GRM1: variants seen among roughly 807,000 people sequenced by gnomAD.
GRM1 encodes the protein glutamate metabotropic receptor 1.
A neutral mutation model predicts 90.9 loss-of-function variants in GRM1; 33 were observed. That is an observed-to-expected ratio of 0.36 (90% CI 0.28 to 0.49). The LOEUF is 0.49. Among genes scored for constraint, GRM1 ranks in the 20% least tolerant of loss-of-function variants. The probability of loss-of-function intolerance (pLI) is 0.99; values close to 1 mark genes in which losing one functional copy is unlikely to be tolerated. For missense variants in GRM1, 1,190 were observed against 1,534.3 expected (o/e 0.78, Z 3.75); for synonymous variants, 700 against 613.2 (o/e 1.14, Z -2.09).
At chr6:146,312,172 T>C (rs970092816) in intron 3 of GRM1, among the ~76,000 whole-genome samples, 1 of 151,406 alleles carries the variant, frequency 6.6e-6, no homozygotes, top group Non-Finnish European at 1.5e-5. Context: ...AAACCCCATC[T>C]CTACTAAAAA....
intron 1 of GRM1, among the ~76,000 whole-genome samples, chr6:146,143,669 A>G (rs2128884970): frequency 6.6e-6 from 1 of 152,350 alleles, no homozygotes; most frequent in East Asian, 1.9e-4. Flanking sequence ...CTCCTCCCCT[A>G]CAGTAATACA....
intron 7 of GRM1, among the ~76,000 whole-genome samples, chr6:146,401,247 C>T (rs951020472): frequency 1.2e-4 from 19 of 152,138 alleles, no homozygotes; most frequent in African/African-American, 3.4e-4. Context: ...CAATAATGTA[C>T]GCTTACTTCT....
At chr6:146,108,176 T>C (rs1424482139) in intron 1 of GRM1, among the ~76,000 whole-genome samples, 1 of 152,168 alleles carries the variant, frequency 6.6e-6, no homozygotes, top group African/African-American at 2.4e-5. Flanking sequence ...TAAATAGATA[T>C]GTTCACGCTG....
At chr6:146,414,299 G>A (rs922162497) in intron 7 of GRM1, among the ~76,000 whole-genome samples, 9 of 151,626 alleles carry the variant, frequency 5.9e-5, no homozygotes, top group Non-Finnish European at 1.2e-4. Flanking sequence ...CTTTTTATGT[G>A]TTTATTGGCC....
chr6:146,290,936 A>C (rs1251272890), intron 2 of GRM1, among the ~76,000 whole-genome samples: 1 of 152,070 alleles, frequency 6.6e-6, no homozygotes, highest in African/African-American at 2.4e-5. Flanking sequence ...GATTGATACA[A>C]ATCTTTATGC....
intron 3 of GRM1, among the ~76,000 whole-genome samples, chr6:146,318,976 T>C (rs542646678): frequency 1.4e-3 from 216 of 152,346 alleles, no homozygotes; most frequent in Non-Finnish European, 2.6e-3. Flanking sequence ...AATAGTTTCT[T>C]TTGTGTGCAG....
At chr6:146,050,600 A>G (rs1033723689) in intron 1 of GRM1, among the ~76,000 whole-genome samples, 1 of 152,068 alleles carries the variant, frequency 6.6e-6, no homozygotes, top group African/African-American at 2.4e-5. Flanking sequence ...GAAAAGCTAT[A>G]TCTTCTCTTT....
chr6:146,399,758 T>TCG lies in GRM1; in HGVS notation c.2660+60_2660+61insGC. 1 of 1,087,828 alleles carries TCG rather than the reference T, an allele frequency of 9.2e-7. No individual in the cohort carries two copies. The highest frequency in any genetic ancestry group is 1.4e-6 in the Non-Finnish European group (1 of 739,002). 67.4% of individuals were successfully genotyped at this position (1,087,828 alleles called of 1,614,324 possible). ...CTTCCTTTCTCTGTCTCTTTCTCTC[T>TCG]CTCTCTCTCTCTCTCTTTCTCTGTC... On this transcript the variant is annotated intron_variant, in intron 7 of 7. Transcript: ENST00000282753. This position sits in a 1 kb window ranked among gnomAD's most constrained non-coding sequence, Gnocchi z 5.4.
At chr6:146,294,041 T>G (rs1314779911) in intron 2 of GRM1, among the ~76,000 whole-genome samples, 1 of 151,724 alleles carries the variant, frequency 6.6e-6, no homozygotes, top group Non-Finnish European at 1.5e-5. Flanking sequence ...ATTTCATTAA[T>G]GTTTTCTAAG....
chr6:146,117,081 TTATTC>T (rs1159313600), intron 1 of GRM1, among the ~76,000 whole-genome samples: 18 of 151,568 alleles, frequency 1.2e-4, no homozygotes, highest in Non-Finnish European at 1.6e-4. Flanking sequence ...AATATGTTTT[TTATTC>T]TATTCTATGA....
chr6:146,306,578 T>C (rs1783587494), intron 3 of GRM1, among the ~76,000 whole-genome samples: 1 of 152,200 alleles, frequency 6.6e-6, no homozygotes, highest in African/African-American at 2.4e-5. Flanking sequence ...TAGAACCCTA[T>C]ACAACATGGA....
chr6:146,104,647 G>T (rs1438882897), intron 1 of GRM1, among the ~76,000 whole-genome samples: 1 of 152,150 alleles, frequency 6.6e-6, no homozygotes, highest in Non-Finnish European at 1.5e-5. Flanking sequence ...GAAAGGCAAA[G>T]GTCAACACTG....
chr6:146,409,865 G>A (rs1448451578), intron 7 of GRM1, among the ~76,000 whole-genome samples: 1 of 152,088 alleles, frequency 6.6e-6, no homozygotes, highest in Non-Finnish European at 1.5e-5. Flanking sequence ...ACAAAATTAG[G>A]CTGAGCCCCT....
chr6:146,143,347 G>C (rs1776962042), intron 1 of GRM1, among the ~76,000 whole-genome samples: 1 of 152,194 alleles, frequency 6.6e-6, no homozygotes, highest in South Asian at 2.1e-4. Flanking sequence ...AGGAGACTGA[G>C]AGCTTAGTAA....
intron 1 of GRM1, among the ~76,000 whole-genome samples, chr6:146,056,590 G>A (rs146319165): frequency 9.8e-4 from 149 of 152,064 alleles, no homozygotes; most frequent in African/African-American, 3.4e-3. Flanking sequence ...TCGAACCTTC[G>A]GCATGTCACG....
chr6:146,220,693 T>C (rs1313408529), intron 2 of GRM1, among the ~76,000 whole-genome samples: 9 of 152,090 alleles, frequency 5.9e-5, no homozygotes, highest in African/African-American at 2.2e-4. Flanking sequence ...GTTTCTCCCA[T>C]GTGCCATAAG....
At chr6:146,240,972 C>T (rs75538616) in intron 2 of GRM1, among the ~76,000 whole-genome samples, 2 of 152,188 alleles carry the variant, frequency 1.3e-5, no homozygotes, top group East Asian at 3.9e-4. Context: ...GAACACAAGG[C>T]CCCTTTGTTG....
At chr6:146,319,398 G>A (rs1470296873) in intron 3 of GRM1, among the ~76,000 whole-genome samples, 1 of 152,188 alleles carries the variant, frequency 6.6e-6, no homozygotes, top group African/African-American at 2.4e-5. Context: ...AAGTCAGGTA[G>A]TGTGATGCCT....
At position 146,316,537 on chromosome 6, in the gene GRM1, G is replaced by C. The variant is rs574058184; in HGVS notation, c.1186+11691G>C. 2.4e-3 allele frequency among the ~76,000 whole-genome samples: 366 copies of C among 152,304 alleles called. 2 individuals carry two copies. The highest frequency in any genetic ancestry group is 0.014 in the Middle Eastern group (4 of 294). ...TAAGTCCCTACCGGCTGATTCTTTA[G>C]TGCCTTCTACTGCTGCAGGCTGATT... On this transcript the variant is annotated intron_variant, in intron 3 of 7. Transcript: ENST00000282753.
Sources: gnomAD v4.1 joint callset for allele counts (sites outside exome capture counted in the v4.1 genomes callset) on GRCh38, gnomAD v4.1.1 for gene constraint, Gnocchi (gnomAD v3.1) non-coding constraint, MANE v1.5 for transcripts, NCBI Gene and HGNC (gene_info 2026-07-23, HGNC 2026-07-21) for gene names.